The following CCNF variants were observed in gnomAD, a reference collection of about 807,000 sequenced individuals.
CCNF encodes cyclin-F.
Under a neutral mutation model 85.4 loss-of-function variants are expected in CCNF, and 30 were observed. The ratio of observed to expected loss-of-function variants is 0.35; its 90% confidence interval spans 0.26 to 0.48. The LOEUF is 0.48. Among genes scored for constraint, CCNF ranks in the 20% least tolerant of loss-of-function variants. The probability of loss-of-function intolerance (pLI) is 0.99; values close to 1 mark genes in which losing one functional copy is unlikely to be tolerated. For synonymous variants in CCNF, 439 were observed against 425.1 expected (o/e 1.03, Z -0.40); for missense variants, 919 against 1,010.4 (o/e 0.91, Z 1.23).
At position 2,457,026 on chromosome 16, in the gene CCNF, T is replaced by A. The variant is rs1189144441; in HGVS notation, c.*6T>A. 2.6e-6 allele frequency: 4 copies of A among 1,565,894 alleles called. No homozygotes were observed. The South Asian group carries it at 4.8e-5, about 19-fold the overall frequency. On this transcript the variant is annotated 3_prime_UTR_variant, in exon 17 of 17. Coordinates refer to ENST00000397066, the MANE Select transcript of CCNF (RefSeq NM_001761.3). ...TGGGCCTTGTGAGGCTGTAAGTGTG[T>A]CAGCACATTTGCCGCAGTGGATGTG...
At chr16:2,430,459 C>G (rs1429677033) in intron 1 of CCNF, among the ~76,000 whole-genome samples, 2 of 152,114 alleles carry the variant, frequency 1.3e-5, no homozygotes, top group Non-Finnish European at 2.9e-5. Context: ...GAATGCCCGT[C>G]TCACCTTTAA....
intron 10 of CCNF, 84 bp downstream of exon 10, chr16:2,445,706 C>A: frequency 1.2e-5 from 14 of 1,202,556 alleles, no homozygotes; most frequent in Non-Finnish European, 1.6e-5. Flanking sequence ...GTGCTCCTCA[C>A]TGGTTTGGTT....
intron 6 of CCNF, 84 bp downstream of exon 6, chr16:2,438,207 G>A: frequency 9.5e-7 from 1 of 1,058,064 alleles, no homozygotes; most frequent in South Asian, 1.2e-5. Context: ...CAGCAGAAGG[G>A]GGTGTCCAAG....
Position 2,431,148 on chromosome 16 carries a change from C to T in CCNF, c.35C>T (p.Ala12Val). 6.2e-7 allele frequency: 1 copy of T among 1,613,936 alleles called. No individual in the cohort carries two copies. Among genetic ancestry groups the T allele is most frequent in the Non-Finnish European group, 8.5e-7 (1 of 1,179,982 alleles). ...GSGGVVHCRC[A>V]KCFCYPTKRR... ...CCTTCAGTGGTCCACTGTAGGTGTGCCAAGTGTTTCTGTTATCCTACAAAG... is the reference window on the plus strand; with the variant it reads ...CCTTCAGTGGTCCACTGTAGGTGTGTCAAGTGTTTCTGTTATCCTACAAAG... Residue 12 changes from alanine to valine, a missense_variant, in exon 2 of 17, where the codon GCC becomes GTC. By Grantham distance (64) the Ala-to-Val change is moderately conservative (BLOSUM62 0). This residue lies in a region of CCNF where 410 missense variants were observed against 478.6 expected (regional missense o/e 0.86). Coordinates refer to ENST00000397066, the MANE Select transcript of CCNF (RefSeq NM_001761.3).
intron 5 of CCNF, 79 bp from the exon 6 acceptor site, chr16:2,437,991 C>G (rs1596917883): frequency 1.0e-6 from 1 of 962,268 alleles, no homozygotes; most frequent in East Asian, 2.4e-5. Flanking sequence ...GGCATGGGAC[C>G]CAAAGACAGA....
chr16:2,449,546 C>A, intron 12 of CCNF, 84 bp downstream of exon 12: 1 of 1,356,954 alleles, frequency 7.4e-7, no homozygotes, highest in Non-Finnish European at 1.0e-6. Flanking sequence ...AAGAGTCCAG[C>A]ATCCATTTGT....
chr16:2,452,830 G>A lies in CCNF; in HGVS notation c.1488-380G>A, dbSNP rs373272884. 5 of 244,584 alleles carry A rather than the reference G, an allele frequency of 2.0e-5. No individual in the cohort carries two copies. Among genetic ancestry groups the A allele is most frequent in the East Asian group, 2.1e-4 (2 of 9,602 alleles). 15.2% of individuals were successfully genotyped at this position (244,584 alleles called of 1,614,324 possible). ...TCTGTGTCTAGGTGATTTCCCTCGC[G>A]GTAACGTTTGCTGGGTTTGTCCATG... On this transcript the variant is annotated intron_variant, in intron 13 of 16. Transcript: ENST00000397066. This position sits in a 1 kb window ranked among gnomAD's most constrained non-coding sequence, Gnocchi z 4.1.
rs750311164 is a variant in CCNF, at chr16:2,448,839, C to T, written c.1095-16C>T. 1.2e-6 allele frequency: 2 copies of T among 1,613,122 alleles called. No homozygotes were observed. The highest frequency in any genetic ancestry group is 1.1e-5 in the South Asian group (1 of 91,032). ...GGAAGTGGGCTCCACCCTGAGACCC[C>T]TTCTCGGCGTTGCAGGTTTATCAGT... is the stretch of plus-strand genomic sequence containing the variant. On this transcript the variant is annotated splice_polypyrimidine_tract_variant and intron_variant, in intron 10 of 16. Transcript: ENST00000397066.
rs764862418 is a variant in CCNF, at chr16:2,431,329, T to C, written c.171+45T>C. The C allele has an allele frequency of 2.5e-5, 40 of 1,594,444 alleles. No individual in the cohort carries two copies. The African/African-American group carries it at 4.3e-4, about 17-fold the overall frequency. ...CACTATGAGCCCTAGCATTGTTGAT[T>C]ATACCATCAGGCCTTGTGTTCTTAA... On this transcript the variant is annotated intron_variant, in intron 2 of 16. Coordinates refer to ENST00000397066, the MANE Select transcript of CCNF (RefSeq NM_001761.3).
In CCNF at chr16:2,456,758, C is replaced by T; in HGVS notation, c.2099C>T (p.Ser700Leu). ...GAGCCAGGGAAGGACGTCACGACCT[C>T]AGGGTACTCCTCCGTCAGCACCGCA... is the stretch of plus-strand genomic sequence containing the variant. ...SREPGKDVTTSGYSSVSTASP... is the reference protein window; with the variant it reads ...SREPGKDVTTLGYSSVSTASP... Residue 700 changes from serine to leucine, a missense_variant, in exon 17 of 17, where the codon TCA (serine) becomes TTA (leucine). Physicochemically the swap from Ser to Leu is moderately radical, Grantham distance 145 (BLOSUM62 -2). This residue lies in a region of CCNF where 505 missense variants were observed against 514.8 expected (regional missense o/e 0.98). Coordinates refer to ENST00000397066, the MANE Select transcript of CCNF (RefSeq NM_001761.3). This position sits in a 1 kb window ranked among gnomAD's most constrained non-coding sequence, Gnocchi z 4.5. 6.2e-7 allele frequency: 1 copy of T among 1,612,888 alleles called. No individual in the cohort carries two copies. Among genetic ancestry groups the T allele is most frequent in the Non-Finnish European group, 8.5e-7 (1 of 1,179,358 alleles).
At chr16:2,442,933 T>TAATTA (rs2065339080) in intron 8 of CCNF, among the ~76,000 whole-genome samples, 1 of 27,520 alleles carries the variant, frequency 3.6e-5, no homozygotes, top group African/African-American at 2.8e-4. Context: ...ATATATATGA[T>TAATTA]TATTATATAT....
At chr16:2,430,793 C>T (rs2065258400) in intron 1 of CCNF, among the ~76,000 whole-genome samples, 2 of 152,130 alleles carry the variant, frequency 1.3e-5, no homozygotes, top group Admixed American at 1.3e-4. Context: ...GAAGGAAAAC[C>T]GTCCTCAGCT....
Position 2,439,353 on chromosome 16 carries a change from G to A in CCNF, c.595G>A (p.Asp199Asn). The change falls in exon 7 of 17, where the codon GAT becomes AAT. Residue 199 changes from aspartate to asparagine, a missense_variant and splice_region_variant. Asp to Asn is a conservative substitution (Grantham distance 23, BLOSUM62 1). This residue lies in a region of CCNF where 410 missense variants were observed against 478.6 expected (regional missense o/e 0.86). Coordinates refer to ENST00000397066, the MANE Select transcript of CCNF (RefSeq NM_001761.3). ...TGAACTCTGCTGGGATTTATTCTAG[G>A]ATGAGGAGAAGCAGCAGCAGGCCCA... ...CLGRVLSLFE[D>N]EEKQQQAHDL... 6.2e-7 allele frequency: 1 copy of A among 1,601,042 alleles called. No homozygotes were observed. The highest frequency in any genetic ancestry group is 8.5e-7 in the Non-Finnish European group (1 of 1,172,862).
intron 10 of CCNF, among the ~76,000 whole-genome samples, chr16:2,447,312 C>T (rs922078728): frequency 5.3e-5 from 8 of 150,214 alleles, no homozygotes; most frequent in Admixed American, 2.7e-4. Flanking sequence ...GGACCAGGCA[C>T]GGTGGCTCAC....
intron 13 of CCNF, among the ~76,000 whole-genome samples, 155 bp downstream of exon 13, chr16:2,450,070 G>T (rs12919892): frequency 6.6e-6 from 1 of 151,730 alleles, no homozygotes; most frequent in Non-Finnish European, 1.5e-5. Flanking sequence ...AGCCAGGCGT[G>T]GTGGTGCACG....
At position 2,456,773 on chromosome 16, in the gene CCNF, T is replaced by G; in HGVS notation, c.2114T>G (p.Val705Gly). 6.2e-7 allele frequency: 1 copy of G among 1,613,368 alleles called. No individual in the cohort carries two copies. ...GTCACGACCTCAGGGTACTCCTCCG[T>G]CAGCACCGCAAGTCCCACAAGCTCC... ...KDVTTSGYSS[V>G]STASPTSSVD... The change falls in exon 17 of 17, where the codon GTC becomes GGC. Residue 705 changes from valine to glycine, a missense_variant. Physicochemically the swap from Val to Gly is moderately radical, Grantham distance 109. Transcript: ENST00000397066. The surrounding 1 kb of genome is among the most constrained non-coding windows in gnomAD (Gnocchi z 4.5).
At position 2,456,762 on chromosome 16, in the gene CCNF, G is replaced by T; in HGVS notation, c.2103G>T (p.Gly701=). 6.2e-7 allele frequency: 1 copy of T among 1,613,088 alleles called. No homozygotes were observed. The highest frequency in any genetic ancestry group is 8.5e-7 in the Non-Finnish European group (1 of 1,179,516). The change falls in exon 17 of 17, where the codon GGG becomes GGT. Residue 701 remains glycine (G), a synonymous_variant. Transcript: ENST00000397066. This position sits in a 1 kb window ranked among gnomAD's most constrained non-coding sequence, Gnocchi z 4.5. ...REPGKDVTTS[G]YSSVSTASPT... Reference sequence around the variant, plus strand: ...CAGGGAAGGACGTCACGACCTCAGGGTACTCCTCCGTCAGCACCGCAAGTC... The same window carrying T: ...CAGGGAAGGACGTCACGACCTCAGGTTACTCCTCCGTCAGCACCGCAAGTC...
In CCNF at chr16:2,449,835, C is replaced by A. The variant is rs778492647; in HGVS notation, c.1407C>A (p.Pro469=). ...GCCTGCTTTCCTCCCCAGCACAGCC[C>A]TGGACCACTCAGCTGTGGGACCTCA... is the stretch of plus-strand genomic sequence containing the variant. ...LARLTHGQTQ[P]WTTQLWDLTG... is the part of the protein sequence containing the mutation. The change falls in exon 13 of 17, where the codon CCC becomes CCA. Residue 469 remains proline, a synonymous_variant. Coordinates refer to ENST00000397066, the MANE Select transcript of CCNF (RefSeq NM_001761.3). The A allele has an allele frequency of 1.2e-6, 2 of 1,604,592 alleles. No individual in the cohort carries two copies. Among genetic ancestry groups the A allele is most frequent in the Non-Finnish European group, 1.7e-6 (2 of 1,173,156 alleles).
At position 2,448,019 on chromosome 16, in the gene CCNF, C is replaced by T. The variant is rs777735346; in HGVS notation, c.1095-836C>T. Among the ~76,000 whole-genome samples, 9 of 152,332 alleles carry T rather than the reference C, an allele frequency of 5.9e-5. No individual in the cohort carries two copies. In the South Asian group the frequency reaches 8.3e-4, roughly 14 times the overall value. On this transcript the variant is annotated intron_variant, in intron 10 of 16. Coordinates refer to ENST00000397066, the MANE Select transcript of CCNF (RefSeq NM_001761.3). Reference sequence around the variant, plus strand: ...CTCAGTCCAAGGGGAAGGTGCCTTGCGGGGGGCCGCTGGAGCAGCGTGTTC... The same window carrying T: ...CTCAGTCCAAGGGGAAGGTGCCTTGTGGGGGGCCGCTGGAGCAGCGTGTTC...
Sources: allele counts gnomAD v4.1 joint callset (sites outside exome capture counted in the v4.1 genomes callset), GRCh38; gene constraint gnomAD v4.1.1; regional missense constraint gnomAD v4.1.1; non-coding constraint Gnocchi (gnomAD v3.1); transcripts MANE v1.5; gene names NCBI Gene and HGNC (gene_info 2026-07-23, HGNC 2026-07-21).